The following COG3 variants were observed in gnomAD, a reference collection of about 807,000 sequenced individuals.
The protein encoded by COG3 is conserved oligomeric Golgi complex subunit 3.
A neutral mutation model predicts 114.1 loss-of-function variants in COG3; 32 were observed. That is an observed-to-expected ratio of 0.28 (90% CI 0.21 to 0.38). COG3 has a LOEUF of 0.38. Among genes scored for constraint, COG3 ranks in the 10% least tolerant of loss-of-function variants. The pLI is 1.00. For synonymous variants in COG3, 352 were observed against 365.7 expected, an observed-to-expected ratio of 0.96 and a Z score of 0.43; for missense variants, 813 against 973.2, an observed-to-expected ratio of 0.84 and a Z score of 2.19.
chr13:45,481,116 T>A (rs1886221611), intron 4 of COG3, 114 bp from the exon 5 acceptor site: 1 of 663,512 alleles, frequency 1.5e-6, no homozygotes, highest in Non-Finnish European at 2.7e-6. Flanking sequence ...TGAATTCTCA[T>A]ATCTGATATA....
chr13:45,518,017 A>G (rs1871725876), intron 17 of COG3, among the ~76,000 whole-genome samples: 1 of 152,188 alleles, frequency 6.6e-6, no homozygotes, highest in Non-Finnish European at 1.5e-5. Context: ...ACTATTTACT[A>G]AAGCTTTACT....
In COG3 at chr13:45,497,593, G is replaced by A. The variant is rs183966620; in HGVS notation, c.1488+1281G>A. Among the ~76,000 whole-genome samples the A allele has an allele frequency of 3.3e-5, 5 of 152,150 alleles. No homozygotes were observed. In the East Asian group the frequency reaches 7.7e-4, roughly 24 times the overall value. On this transcript the variant is annotated intron_variant, in intron 13 of 22. Coordinates refer to ENST00000349995, the MANE Select transcript of COG3 (RefSeq NM_031431.4). Reference sequence around the variant, plus strand: ...AATCTCAGGAGTTCAAGACCAGCCTGGGCAACATGGCAAGAAACCCCATCT... The same window carrying A: ...AATCTCAGGAGTTCAAGACCAGCCTAGGCAACATGGCAAGAAACCCCATCT...
At chr13:45,527,448 A>T (rs1261815652) in intron 20 of COG3, among the ~76,000 whole-genome samples, 1 of 152,148 alleles carries the variant, frequency 6.6e-6, no homozygotes. Flanking sequence ...GTTTTTGTGA[A>T]TCTGTAGTAC....
chr13:45,517,629 T>A (rs1227818721), intron 17 of COG3, among the ~76,000 whole-genome samples: 1 of 152,222 alleles, frequency 6.6e-6, no homozygotes, highest in Non-Finnish European at 1.5e-5. Context: ...TTTTTAAAGC[T>A]TATTCTCATC....
chr13:45,473,026 C>T (rs35758841), intron 1 of COG3, among the ~76,000 whole-genome samples: 13,430 of 152,122 alleles, frequency 0.088, 751 homozygotes, highest in African/African-American at 0.15. Flanking sequence ...CCCGCCACCA[C>T]GCCTGGCTAA....
At chr13:45,508,932 C>T (rs1870544160) in intron 14 of COG3, among the ~76,000 whole-genome samples, 2 of 152,078 alleles carry the variant, frequency 1.3e-5, no homozygotes, top group South Asian at 4.2e-4. Flanking sequence ...GACAGGTGAA[C>T]CTAATTTGAT....
At chr13:45,508,737 A>G (rs1290134793) in intron 14 of COG3, among the ~76,000 whole-genome samples, 3 of 152,112 alleles carry the variant, frequency 2.0e-5, no homozygotes, top group African/African-American at 7.2e-5. Flanking sequence ...CCCAGAAGTG[A>G]TTGTACTTCC....
intron 20 of COG3, among the ~76,000 whole-genome samples, chr13:45,526,453 A>G (rs1487323367): frequency 2.0e-5 from 3 of 152,160 alleles, no homozygotes; most frequent in African/African-American, 7.2e-5. Flanking sequence ...AAGAATAGCT[A>G]TGTATCACTT....
Position 45,490,902 on chromosome 13 carries a change from T to A in COG3, c.925-13T>A. 6.4e-7 allele frequency: 1 copy of A among 1,551,484 alleles called. No individual in the cohort carries two copies. Among genetic ancestry groups the A allele is most frequent in the South Asian group, 1.2e-5 (1 of 85,164 alleles). The stretch of plus-strand genomic sequence containing the variant: ...AGAGATGGTTTTTTGATGCATTTTT[T>A]CTTACTTTGCAGACTCTTATTGAAC... On this transcript the variant is annotated splice_polypyrimidine_tract_variant and intron_variant, in intron 8 of 22. Coordinates refer to ENST00000349995, the MANE Select transcript of COG3 (RefSeq NM_031431.4).
At chr13:45,488,780 A>G (rs767203387) in intron 8 of COG3, among the ~76,000 whole-genome samples, 2 of 152,148 alleles carry the variant, frequency 1.3e-5, no homozygotes, top group Non-Finnish European at 2.9e-5. Context: ...TCTGAGATAC[A>G]TTTAATTGAA....
intron 2 of COG3, among the ~76,000 whole-genome samples, chr13:45,478,341 G>A (rs1886029359): frequency 6.6e-6 from 1 of 151,592 alleles, no homozygotes; most frequent in African/African-American, 2.4e-5. Flanking sequence ...ACAGGCGCCC[G>A]GCTTATTTTT....
chr13:45,489,221 C>A (rs1593698360), intron 8 of COG3, among the ~76,000 whole-genome samples: 1 of 60,198 alleles, frequency 1.7e-5, no homozygotes, highest in Non-Finnish European at 3.0e-5. Flanking sequence ...AAGAGCCAGC[C>A]AGTTGAAAGG....
chr13:45,509,905 G>T, intron 15 of COG3, 89 bp downstream of exon 15: 2 of 1,286,678 alleles, frequency 1.6e-6, no homozygotes, highest in Non-Finnish European at 2.1e-6. Context: ...GTATTTTGTT[G>T]GATATTCTTA....
At chr13:45,503,185 T>C (rs1022291215) in intron 13 of COG3, 59 bp from the exon 14 acceptor site, 17 of 798,448 alleles carry the variant, frequency 2.1e-5, no homozygotes, top group Admixed American at 1.1e-4. Flanking sequence ...ATAAAGAACA[T>C]GTTCATGTTG....
At chr13:45,514,360 C>T (rs551496152) in intron 16 of COG3, among the ~76,000 whole-genome samples, 4 of 152,138 alleles carry the variant, frequency 2.6e-5, no homozygotes, top group South Asian at 2.1e-4. Context: ...AGGGTTTCAC[C>T]GTGTTGGCCA....
intron 14 of COG3, 72 bp downstream of exon 14, chr13:45,503,421 G>T (rs1484316733): frequency 2.5e-6 from 2 of 814,490 alleles, no homozygotes; most frequent in Non-Finnish European, 4.2e-6. Flanking sequence ...GACTTGTCCT[G>T]TCCCAGACAT....
At chr13:45,512,681 G>A (rs936366985) in intron 16 of COG3, among the ~76,000 whole-genome samples, 1 of 151,776 alleles carries the variant, frequency 6.6e-6, no homozygotes, top group Non-Finnish European at 1.5e-5. Flanking sequence ...AAGCTGGAGT[G>A]CAGTGGTATG....
intron 13 of COG3, among the ~76,000 whole-genome samples, chr13:45,499,999 C>T (rs1869273937): frequency 6.6e-6 from 1 of 150,826 alleles, no homozygotes; most frequent in African/African-American, 2.5e-5. Flanking sequence ...GCCTGGGTCA[C>T]AGAGTGAGAC....
At position 45,519,092 on chromosome 13, in the gene COG3, A is replaced by G. The variant is rs1218332885; in HGVS notation, c.2152A>G (p.Lys718Glu). ...AGAACAGCTGGAGGAGTTCATGACA[A>G]AGGTATAGACCTTGGTGCCTATGTG... The part of the protein sequence containing the change: ...FVEQLEEFMT[K>E]VSALKTMASQ... The change falls in exon 19 of 23, where the codon AAG (lysine) becomes GAG (glutamate). Residue 718 changes from lysine to glutamate, a missense_variant and splice_region_variant. Physicochemically the swap from Lys to Glu is moderately conservative, Grantham distance 56. This residue lies in a region of COG3 where 389 missense variants were observed against 542.6 expected (regional missense o/e 0.72). Transcript: ENST00000349995. The G allele has an allele frequency of 1.2e-6, 2 of 1,613,878 alleles. No individual in the cohort carries two copies. Among genetic ancestry groups the G allele is most frequent in the South Asian group, 2.2e-5 (2 of 91,084 alleles).
Sources: allele counts gnomAD v4.1 joint callset (sites outside exome capture counted in the v4.1 genomes callset), GRCh38; gene constraint gnomAD v4.1.1; regional missense constraint gnomAD v4.1.1; transcripts MANE v1.5; gene names NCBI Gene and HGNC (gene_info 2026-07-23, HGNC 2026-07-21).